Variants in CDC42BPB observed in about 807,000 individuals in gnomAD.
CDC42BPB encodes CDC42 binding protein kinase beta.
In CDC42BPB, 37 loss-of-function variants were observed where a neutral mutation model predicts 214.9. That is an observed-to-expected ratio of 0.17 (90% confidence interval 0.13 to 0.23). CDC42BPB has a LOEUF of 0.23. Ranked by LOEUF, CDC42BPB falls within the 10% of genes least tolerant of loss-of-function variation. The pLI is 1.00. For synonymous variants in CDC42BPB, 931 were observed against 884.0 expected (o/e 1.05, Z -0.94); for missense variants, 1,694 against 2,227.0 (o/e 0.76, Z 4.82).
At position 102,991,220 on chromosome 14, in the gene CDC42BPB, C is replaced by A. The variant is rs552850352; in HGVS notation, c.597-4640G>T. On this transcript the variant is annotated intron_variant, in intron 5 of 36. Transcript: ENST00000361246. Reference sequence around the variant, plus strand: ...ATATTGTACACCTGTGGAAATGACACCCTGAGAAGGACACAATATAGCTAT... The same window carrying A: ...ATATTGTACACCTGTGGAAATGACAACCTGAGAAGGACACAATATAGCTAT... 7.9e-5 allele frequency among the ~76,000 whole-genome samples: 12 copies of A among 152,300 alleles called. 1 individual carries two copies. Among genetic ancestry groups the A allele is most frequent in the African/African-American group, 2.4e-4 (10 of 41,564 alleles).
At chr14:103,055,426 G>C (rs904061742) in intron 1 of CDC42BPB, among the ~76,000 whole-genome samples, 9 of 152,154 alleles carry the variant, frequency 5.9e-5, no homozygotes, top group African/African-American at 2.2e-4. Context: ...CGTCTCCAAA[G>C]AAAAGAAAGA....
At chr14:102,994,388 A>G (rs17101142) in intron 5 of CDC42BPB, among the ~76,000 whole-genome samples, 5,192 of 151,374 alleles carry the variant, frequency 0.034, 304 homozygotes, top group Admixed American at 0.14. Flanking sequence ...TTTTTAAGTG[A>G]ACTTGCTGTT....
At chr14:103,036,789 T>A (rs992644926) in intron 1 of CDC42BPB, among the ~76,000 whole-genome samples, 4 of 152,172 alleles carry the variant, frequency 2.6e-5, no homozygotes, top group Non-Finnish European at 4.4e-5. Flanking sequence ...TATTTCAACA[T>A]TAATTTCTCA....
chr14:103,056,691 T>G (rs1229617733), intron 1 of CDC42BPB, among the ~76,000 whole-genome samples: 421 of 35,010 alleles, frequency 0.012, no homozygotes, highest in Admixed American at 0.015. Flanking sequence ...GGGGTGGGAG[T>G]GGGAACGTAG....
At chr14:102,939,145 T>G (rs1891774409) in intron 34 of CDC42BPB, among the ~76,000 whole-genome samples, 1 of 151,830 alleles carries the variant, frequency 6.6e-6, no homozygotes, top group Admixed American at 6.6e-5. Context: ...TTCACCGTGT[T>G]AGCCAGGATG....
chr14:103,048,229 A>G (rs879386046), intron 1 of CDC42BPB, among the ~76,000 whole-genome samples: 1 of 152,010 alleles, frequency 6.6e-6, no homozygotes, highest in Non-Finnish European at 1.5e-5. Context: ...TAAATTCATG[A>G]CTGTACATTG....
In CDC42BPB at chr14:102,965,389, A is replaced by T. The variant is rs1038121384; in HGVS notation, c.2578-739T>A. On this transcript the variant is annotated intron_variant, in intron 18 of 36. Coordinates refer to ENST00000361246, the MANE Select transcript of CDC42BPB (RefSeq NM_006035.4). ...TCATTACTCATTCCTACCTGTGATT[A>T]AAAAAAAAAAAAAAAAAAAAAGACT... is the stretch of plus-strand genomic sequence containing the variant. Among the ~76,000 whole-genome samples, 55 of 108,156 alleles carry T rather than the reference A, an allele frequency of 5.1e-4. 1 individual carries two copies. Among genetic ancestry groups the T allele is most frequent in the African/African-American group, 2.3e-3 (50 of 22,048 alleles). The allele number at this position is 108,156 out of a possible 152,430, so 71.0% of individuals were successfully genotyped here. A position where few individuals can be genotyped will look rare whatever the true frequency, so the allele number is the denominator to read the frequency against.
chr14:102,971,820 AC>A, intron 13 of CDC42BPB, 98 bp downstream of exon 13: 2 of 1,259,060 alleles, frequency 1.6e-6, no homozygotes, highest in Non-Finnish European at 2.2e-6. Context: ...AAAATTTCTG[AC>A]CCCTTTTACA....
rs1213977470 is a variant in CDC42BPB at position 103,012,081 on chromosome 14, ATGAAGTT to A, written c.267+9_267+15del. The stretch of plus-strand genomic sequence containing the variant: ...TGGCAATTTAGGCAAAGTTAACAAA[ATGAAGTT>A]TATCTTACCTCACCAAAAGCACCTC... On this transcript the variant is annotated intron_variant, in intron 2 of 36. Coordinates refer to ENST00000361246, the MANE Select transcript of CDC42BPB (RefSeq NM_006035.4). 6.4e-7 allele frequency: 1 copy of A among 1,572,676 alleles called. No individual in the cohort carries two copies. The highest frequency in any genetic ancestry group is 1.3e-5 in the African/African-American group (1 of 74,080).
At position 102,965,312 on chromosome 14, in the gene CDC42BPB, C is replaced by G. The variant is rs145645110; in HGVS notation, c.2578-662G>C. On this transcript the variant is annotated intron_variant, in intron 18 of 36. Coordinates refer to ENST00000361246, the MANE Select transcript of CDC42BPB (RefSeq NM_006035.4). ...AAGGTACATTATAGGGTTCGGTTAT[C>G]TTTTTCTCATAACTTGAAACGTTTT... Among the ~76,000 whole-genome samples the G allele has an allele frequency of 2.7e-4, 40 of 145,748 alleles. No individual in the cohort carries two copies. The East Asian group carries it at 7.5e-3, about 28-fold the overall frequency.
intron 8 of CDC42BPB, among the ~76,000 whole-genome samples, chr14:102,980,041 A>C (rs1453134847): frequency 6.6e-6 from 1 of 152,242 alleles, no homozygotes; most frequent in Non-Finnish European, 1.5e-5. Context: ...ACGTGCTCTC[A>C]CATGTAGGGA....
chr14:103,012,018 A>C, intron 2 of CDC42BPB, 79 bp downstream of exon 2: 2 of 863,956 alleles, frequency 2.3e-6, no homozygotes, highest in Non-Finnish European at 4.0e-6. Flanking sequence ...ACCAATGTAT[A>C]GGTGCACAAA....
At position 102,964,519 on chromosome 14, in the gene CDC42BPB, G is replaced by T; in HGVS notation, c.2709C>A (p.Ala903=). ...CCAAGTACCTTTCCAAGGTGAGGTTGGCGTCCTTGACCTTCCTGAGCTCCT... is the reference window on the plus strand; with the variant it reads ...CCAAGTACCTTTCCAAGGTGAGGTTTGCGTCCTTGACCTTCCTGAGCTCCT... The part of the protein sequence containing the change: ...VQEELRKVKD[A]NLTLESKLKD... Residue 903 remains alanine, a synonymous_variant, in exon 19 of 37, where the codon GCC becomes GCA. Transcript: ENST00000361246. The T allele has an allele frequency of 6.2e-7, 1 of 1,613,722 alleles. No homozygotes were observed. Among genetic ancestry groups the T allele is most frequent in the Non-Finnish European group, 8.5e-7 (1 of 1,179,976 alleles).
chr14:102,956,672 T>C (rs2139414891), intron 21 of CDC42BPB, among the ~76,000 whole-genome samples: 1 of 151,242 alleles, frequency 6.6e-6, no homozygotes, highest in African/African-American at 2.4e-5. Flanking sequence ...TCTACAAAAA[T>C]TTAAAAATTA....
At chr14:103,011,187 G>A (rs958018863) in intron 2 of CDC42BPB, among the ~76,000 whole-genome samples, 5 of 152,330 alleles carry the variant, frequency 3.3e-5, no homozygotes, top group South Asian at 4.1e-4. Context: ...CCTGGAAGGC[G>A]AGGCCACACC....
chr14:103,038,080 T>G (rs1887770176), intron 1 of CDC42BPB, among the ~76,000 whole-genome samples: 1 of 150,536 alleles, frequency 6.6e-6, no homozygotes, highest in Admixed American at 6.6e-5. Flanking sequence ...CTCATGCCTG[T>G]AATCCCAGCA....
intron 1 of CDC42BPB, among the ~76,000 whole-genome samples, chr14:103,040,441 T>G (rs1595181794): frequency 1.1e-5 from 1 of 89,486 alleles, no homozygotes. Flanking sequence ...AAACTGAAAC[T>G]TTTTTTCAAT....
At chr14:102,962,037 A>G (rs1376284456) in intron 20 of CDC42BPB, among the ~76,000 whole-genome samples, 2 of 152,204 alleles carry the variant, frequency 1.3e-5, no homozygotes, top group African/African-American at 2.4e-5. Context: ...ACAAAATACA[A>G]AAGTCCCTCA....
At chr14:103,000,069 C>G (rs532365436) in intron 4 of CDC42BPB, among the ~76,000 whole-genome samples, 1 of 152,312 alleles carries the variant, frequency 6.6e-6, no homozygotes, top group East Asian at 1.9e-4. Flanking sequence ...AAATAATTCT[C>G]CAGGCCCTCA....
Sources: gnomAD v4.1 joint callset for allele counts (sites outside exome capture counted in the v4.1 genomes callset) on GRCh38, gnomAD v4.1.1 for gene constraint, MANE v1.5 for transcripts, NCBI Gene and HGNC (gene_info 2026-07-23, HGNC 2026-07-21) for gene names.